Variants in CNGB3 observed in about 807,000 individuals in gnomAD.
CNGB3 encodes cyclic nucleotide gated channel subunit beta 3.
Under a neutral mutation model 92.8 loss-of-function variants are expected in CNGB3, and 86 were observed. The ratio of observed to expected loss-of-function variants is 0.93; its 90% CI spans 0.78 to 1.11. The LOEUF (loss-of-function observed/expected upper bound fraction) is 1.11. Ranked by LOEUF, CNGB3 falls within the 50% of genes least tolerant of loss-of-function variation. The pLI, the probability that CNGB3 is intolerant of heterozygous loss-of-function variation, is 0.00. For missense variants in CNGB3, 1,026 were observed against 956.8 expected (o/e 1.07, Z -0.95); for synonymous variants, 333 against 332.7 (o/e 1.00, Z -0.01).
At chr8:86,740,999 C>T (rs941830195) in intron 1 of CNGB3, among the ~76,000 whole-genome samples, 19 of 152,180 alleles carry the variant, frequency 1.2e-4, no homozygotes, top group African/African-American at 4.3e-4. Flanking sequence ...GTGTCTTCTT[C>T]TGGGGTAAGA....
chr8:86,595,627 T>C (rs1375255573), intron 15 of CNGB3, among the ~76,000 whole-genome samples: 1 of 140,078 alleles, frequency 7.1e-6, no homozygotes, highest in African/African-American at 3.2e-5. Context: ...CTTTCAGTAT[T>C]AATCGAGTCT....
intron 3 of CNGB3, among the ~76,000 whole-genome samples, chr8:86,720,407 A>T (rs971762014): frequency 6.6e-6 from 1 of 152,198 alleles, no homozygotes; most frequent in African/African-American, 2.4e-5. Flanking sequence ...AATTCTCAAC[A>T]TCACTAATTA....
intron 13 of CNGB3, among the ~76,000 whole-genome samples, chr8:86,617,675 C>A (rs991912820): frequency 6.6e-6 from 1 of 152,144 alleles, no homozygotes; most frequent in Admixed American, 6.5e-5. Context: ...TAGTAAAAAT[C>A]ATCTTCGTCA....
chr8:86,621,890 C>T (rs1327582123), intron 13 of CNGB3, among the ~76,000 whole-genome samples: 1 of 152,110 alleles, frequency 6.6e-6, no homozygotes, highest in African/African-American at 2.4e-5. Context: ...TGGTGAAACC[C>T]TGTCTCTGCT....
chr8:86,717,757 A>G (rs1051116476), intron 3 of CNGB3, among the ~76,000 whole-genome samples: 1 of 152,134 alleles, frequency 6.6e-6, no homozygotes, highest in African/African-American at 2.4e-5. Flanking sequence ...AGATCACATG[A>G]TAGACCACAA....
chr8:86,735,042 G>GTTTTTTTTTTTTTTTTTTTTTTT (rs60107723), intron 2 of CNGB3, among the ~76,000 whole-genome samples: 1 of 85,886 alleles, frequency 1.2e-5, no homozygotes. Context: ...AATGCCGGTG[G>GTTTTTTTTTTTTTTTTTTTTTTT]TTTTTTTTTT....
intron 15 of CNGB3, among the ~76,000 whole-genome samples, chr8:86,582,998 C>T (rs927634959): frequency 4.4e-5 from 1 of 22,860 alleles, no homozygotes; most frequent in Non-Finnish European, 9.4e-5. Context: ...TGCAATGGTA[C>T]AATCTTGGCT....
intron 13 of CNGB3, among the ~76,000 whole-genome samples, chr8:86,622,983 A>T (rs997116407): frequency 6.6e-6 from 1 of 152,238 alleles, no homozygotes; most frequent in East Asian, 1.9e-4. Context: ...ACTTAGAGTC[A>T]TGGGTTAACC....
intron 15 of CNGB3, among the ~76,000 whole-genome samples, chr8:86,601,330 C>A (rs369438495): frequency 1.3e-5 from 2 of 152,084 alleles, no homozygotes; most frequent in African/African-American, 4.8e-5. Context: ...GACCTGGAAC[C>A]ACCACAAGGC....
chr8:86,670,118 G>A (rs111361280), intron 4 of CNGB3, among the ~76,000 whole-genome samples: 54 of 152,256 alleles, frequency 3.5e-4, no homozygotes, highest in African/African-American at 9.9e-4. Context: ...AAAGGGCTAG[G>A]ATTACAGTCA....
intron 3 of CNGB3, among the ~76,000 whole-genome samples, chr8:86,690,167 A>C (rs552841124): frequency 1.4e-4 from 21 of 152,330 alleles, no homozygotes; most frequent in Admixed American, 5.2e-4. Flanking sequence ...GAACTAGTTT[A>C]CAGTCCCACC....
Position 86,579,347 on chromosome 8 carries a change from T to G in CNGB3, c.1782-95A>C, listed in dbSNP as rs141759396. The G allele has an allele frequency of 0.014, 20,405 of 1,410,642 alleles. 198 individuals are homozygous for G. The highest frequency in any genetic ancestry group is 0.038 in the Middle Eastern group (214 of 5,676). 87.4% of individuals were successfully genotyped at this position (1,410,642 alleles called of 1,614,324 possible). On this transcript the variant is annotated intron_variant, in intron 15 of 17. Coordinates refer to ENST00000320005, the MANE Select transcript of CNGB3 (RefSeq NM_019098.5). Reference sequence around the variant, plus strand: ...TAGCAACTATTATAAGTATTTATACTGCTTCAGAAATCATTCCCTAGAGGT... The same window carrying G: ...TAGCAACTATTATAAGTATTTATACGGCTTCAGAAATCATTCCCTAGAGGT...
At chr8:86,698,805 G>T (rs981940054) in intron 3 of CNGB3, among the ~76,000 whole-genome samples, 3 of 152,130 alleles carry the variant, frequency 2.0e-5, no homozygotes, top group Non-Finnish European at 4.4e-5. Flanking sequence ...AAAGGATGAA[G>T]TCAAGGGCCT....
At chr8:86,735,356 A>C (rs1467603265) in intron 2 of CNGB3, among the ~76,000 whole-genome samples, 1 of 151,658 alleles carries the variant, frequency 6.6e-6, no homozygotes, top group Non-Finnish European at 1.5e-5. Context: ...GTTAGCCAGG[A>C]GAAAAATGGT....
At chr8:86,627,217 T>C (rs1183084148) in intron 12 of CNGB3, among the ~76,000 whole-genome samples, 3 of 152,070 alleles carry the variant, frequency 2.0e-5, no homozygotes, top group African/African-American at 7.3e-5. Flanking sequence ...ATAAACACAG[T>C]TTATTGTTTC....
chr8:86,735,204 G>A (rs370185827), intron 2 of CNGB3, among the ~76,000 whole-genome samples: 58 of 127,676 alleles, frequency 4.5e-4, no homozygotes, highest in African/African-American at 5.2e-4. Flanking sequence ...GTGCAGTGGC[G>A]CAATCTCGGC....
chr8:86,645,806 A>G (rs1823283882), intron 8 of CNGB3, among the ~76,000 whole-genome samples: 1 of 151,310 alleles, frequency 6.6e-6, no homozygotes, highest in South Asian at 2.1e-4. Flanking sequence ...GCACAAAGGC[A>G]TGATTTTAAA....
intron 13 of CNGB3, 23 bp from the exon 14 acceptor site, chr8:86,611,694 C>A: frequency 6.6e-7 from 1 of 1,525,376 alleles, no homozygotes; most frequent in South Asian, 1.1e-5. Context: ...AAAAATAATT[C>A]TTATAGAAAC....
intron 3 of CNGB3, among the ~76,000 whole-genome samples, chr8:86,725,995 G>A (rs1430672245): frequency 6.6e-6 from 1 of 152,114 alleles, no homozygotes; most frequent in Non-Finnish European, 1.5e-5. Context: ...CTCTTTTGCA[G>A]TATTTCCAAT....
Sources: gnomAD v4.1 joint callset for allele counts (sites outside exome capture counted in the v4.1 genomes callset) on GRCh38, gnomAD v4.1.1 for gene constraint, MANE v1.5 for transcripts, NCBI Gene and HGNC (gene_info 2026-07-23, HGNC 2026-07-21) for gene names.